B3GALT1: variants seen among roughly 807,000 people sequenced by gnomAD.
B3GALT1 encodes the protein beta-1,3-galactosyltransferase 1.
A neutral mutation model predicts 23.2 loss-of-function variants in B3GALT1; 10 were observed. The observed-to-expected ratio is 0.43, with a 90% confidence interval of 0.27 to 0.73. B3GALT1 has a LOEUF of 0.73. Among genes scored for constraint, B3GALT1 ranks in the 30% least tolerant of loss-of-function variants. The probability of loss-of-function intolerance (pLI) is 0.21; values close to 1 mark genes in which losing one functional copy is unlikely to be tolerated. For missense variants in B3GALT1, 299 were observed against 405.4 expected (o/e 0.74, Z 2.25); for synonymous variants, 156 against 141.5 (o/e 1.10, Z -0.73).
chr2:167,374,673 C>A (rs905205573), intron 1 of B3GALT1, among the ~76,000 whole-genome samples: 2 of 151,976 alleles, frequency 1.3e-5, no homozygotes, highest in Non-Finnish European at 2.9e-5. Flanking sequence ...CAGTTTATGT[C>A]TTTTGCCCAT....
At chr2:167,612,562 G>A (rs1025787259) in intron 2 of B3GALT1, among the ~76,000 whole-genome samples, 1 of 151,774 alleles carries the variant, frequency 6.6e-6, no homozygotes, top group Non-Finnish European at 1.5e-5. Flanking sequence ...TAGGATAGGT[G>A]ATCGAGGTTT....
intron 2 of B3GALT1, among the ~76,000 whole-genome samples, chr2:167,568,501 T>C (rs1684220623): frequency 6.6e-6 from 1 of 152,118 alleles, no homozygotes; most frequent in Non-Finnish European, 1.5e-5. Context: ...TGGAGCATCT[T>C]TTCATATGCT....
chr2:167,837,966 C>G (rs1689524259), intron 4 of B3GALT1, among the ~76,000 whole-genome samples: 1 of 152,054 alleles, frequency 6.6e-6, no homozygotes, highest in Admixed American at 6.6e-5. Context: ...TAAAGATGTT[C>G]TTTGAAACCA....
At chr2:167,346,895 G>A (rs745761083) in intron 1 of B3GALT1, among the ~76,000 whole-genome samples, 1 of 152,038 alleles carries the variant, frequency 6.6e-6, no homozygotes, top group Non-Finnish European at 1.5e-5. Flanking sequence ...CAAAACTATC[G>A]ATCCGCTGTT....
In B3GALT1 at chr2:167,335,553, G is replaced by A. The variant is rs555613956; in HGVS notation, c.-511+42219G>A. ...AGGGGTGGATTATTCATGAGTTTCC[G>A]GGGAAGGGGGTGGGCAGTTCCCAGA... On this transcript the variant is annotated intron_variant, in intron 1 of 4. Coordinates refer to ENST00000392690, the MANE Select transcript of B3GALT1 (RefSeq NM_020981.4). Among the ~76,000 whole-genome samples, 9 of 152,252 alleles carry A rather than the reference G, an allele frequency of 5.9e-5. No homozygotes were observed. In the South Asian group the frequency reaches 1.0e-3, roughly 18 times the overall value.
chr2:167,491,460 C>G (rs1296300762), intron 2 of B3GALT1, among the ~76,000 whole-genome samples: 1 of 139,062 alleles, frequency 7.2e-6, no homozygotes, highest in Non-Finnish European at 1.6e-5. Context: ...TTAACAACTT[C>G]TGTGTCTTTG....
At chr2:167,439,058 A>T (rs189793797) in intron 1 of B3GALT1, among the ~76,000 whole-genome samples, 1 of 152,256 alleles carries the variant, frequency 6.6e-6, no homozygotes, top group Admixed American at 6.5e-5. Flanking sequence ...AAAGGCAATC[A>T]TGAGAAAGAA....
At chr2:167,835,340 T>C (rs1689438874) in intron 4 of B3GALT1, among the ~76,000 whole-genome samples, 1 of 152,218 alleles carries the variant, frequency 6.6e-6, no homozygotes, top group African/African-American at 2.4e-5. Flanking sequence ...AATACTGTGC[T>C]TTTCCGACGG....
chr2:167,330,480 C>T (rs952386084), intron 1 of B3GALT1, among the ~76,000 whole-genome samples: 11 of 152,086 alleles, frequency 7.2e-5, no homozygotes, highest in Admixed American at 1.3e-4. Flanking sequence ...CATTGTGGCA[C>T]GTGCCTGTAG....
chr2:167,344,921 T>C (rs957462844), intron 1 of B3GALT1, among the ~76,000 whole-genome samples: 1 of 152,198 alleles, frequency 6.6e-6, no homozygotes, highest in Non-Finnish European at 1.5e-5. Flanking sequence ...ATAAGGTTAG[T>C]GATTTCAACA....
chr2:167,664,586 A>G (rs1686136912), intron 3 of B3GALT1, among the ~76,000 whole-genome samples: 1 of 152,064 alleles, frequency 6.6e-6, no homozygotes, highest in African/African-American at 2.4e-5. Context: ...GATTCTTCCT[A>G]CCCATGAGCA....
intron 2 of B3GALT1, among the ~76,000 whole-genome samples, chr2:167,622,838 G>A (rs1449068734): frequency 6.6e-6 from 1 of 151,956 alleles, no homozygotes; most frequent in African/African-American, 2.4e-5. Context: ...AGAACCTAGG[G>A]CATTCAGTAT....
intron 1 of B3GALT1, among the ~76,000 whole-genome samples, chr2:167,413,755 T>C (rs1427974885): frequency 6.6e-6 from 1 of 152,018 alleles, no homozygotes; most frequent in Non-Finnish European, 1.5e-5. Flanking sequence ...GTTTATGTCG[T>C]TTACATATAT....
chr2:167,730,263 G>T (rs2166964), intron 3 of B3GALT1, among the ~76,000 whole-genome samples: 74,550 of 151,894 alleles, frequency 0.49, 21,269 homozygotes, highest in Non-Finnish European at 0.66. Context: ...AAGGTTGAAT[G>T]GCATTTCATT....
In B3GALT1 at chr2:167,668,768, G is replaced by T. The variant is rs577270035; in HGVS notation, c.-352+21802G>T. Among the ~76,000 whole-genome samples, 4 of 152,326 alleles carry T rather than the reference G, an allele frequency of 2.6e-5. No homozygotes were observed. The South Asian group carries it at 8.3e-4, about 32-fold the overall frequency. ...AGGAAAGGGAACTCCCTGACCCCTT[G>T]CGCTTCCCGAGTGAGGCAATGCCTC... On this transcript the variant is annotated intron_variant, in intron 3 of 4. Coordinates refer to ENST00000392690, the MANE Select transcript of B3GALT1 (RefSeq NM_020981.4).
At position 167,869,063 on chromosome 2, in the gene B3GALT1, G is replaced by T. The variant is rs1270855704; in HGVS notation, c.24G>T (p.Leu8Phe). 1 of 1,610,650 alleles carries T rather than the reference G, an allele frequency of 6.2e-7. No homozygotes were observed. Among genetic ancestry groups the T allele is most frequent in the South Asian group, 1.1e-5 (1 of 90,720 alleles). MASKVSC[L>F]YVLTVVCWAS... ...CAATGGCTTCAAAGGTCTCCTGTTTGTATGTTTTGACAGTTGTGTGCTGGG... is the reference window on the plus strand; with the variant it reads ...CAATGGCTTCAAAGGTCTCCTGTTTTTATGTTTTGACAGTTGTGTGCTGGG... Residue 8 changes from leucine (L) to phenylalanine (F), a missense_variant, in exon 5 of 5, where the codon TTG becomes TTT. By Grantham distance (22) the Leu-to-Phe change is conservative. Coordinates refer to ENST00000392690, the MANE Select transcript of B3GALT1 (RefSeq NM_020981.4). This position sits in a 1 kb window ranked among gnomAD's most constrained non-coding sequence, Gnocchi z 6.4.
chr2:167,821,116 GC>G (rs1689096499), intron 4 of B3GALT1, among the ~76,000 whole-genome samples: 1 of 152,140 alleles, frequency 6.6e-6, no homozygotes, highest in Admixed American at 6.5e-5. Flanking sequence ...GGGTGTATAG[GC>G]CATTCATAGC....
chr2:167,462,649 T>C (rs1699277271), intron 1 of B3GALT1, among the ~76,000 whole-genome samples: 1 of 152,166 alleles, frequency 6.6e-6, no homozygotes, highest in African/African-American at 2.4e-5. Flanking sequence ...CAAAGGTTGG[T>C]GTAATTTTGC....
intron 3 of B3GALT1, among the ~76,000 whole-genome samples, chr2:167,742,184 G>C (rs561884584): frequency 3.3e-5 from 5 of 152,276 alleles, no homozygotes; most frequent in Non-Finnish European, 7.4e-5. Flanking sequence ...CTCGGTTTTT[G>C]ATGAAATACT....
Sources: allele counts gnomAD v4.1 joint callset (sites outside exome capture counted in the v4.1 genomes callset), GRCh38; gene constraint gnomAD v4.1.1; non-coding constraint Gnocchi (gnomAD v3.1); transcripts MANE v1.5; gene names NCBI Gene and HGNC (gene_info 2026-07-23, HGNC 2026-07-21).